Variants in SACS observed in about 807,000 individuals in gnomAD.
SACS encodes the protein sacsin.
SACS carries 197 observed loss-of-function variants against 348.0 expected under a neutral mutation model. That is an observed-to-expected ratio of 0.57 (90% CI 0.50 to 0.64). The LOEUF is 0.64. Ranked by LOEUF, SACS falls within the 30% of genes least tolerant of loss-of-function variation. SACS has a pLI of 0.00. For synonymous variants in SACS, 1,985 were observed against 1,910.6 expected (o/e 1.04, Z -1.02); for missense variants, 4,999 against 5,360.8 (o/e 0.93, Z 2.11).
In SACS at chr13:23,331,593, C is replaced by A; in HGVS notation, c.12283G>T (p.Asp4095Tyr). 6.2e-7 allele frequency: 1 copy of A among 1,613,938 alleles called. No individual in the cohort carries two copies. The highest frequency in any genetic ancestry group is 8.5e-7 in the Non-Finnish European group (1 of 1,179,920). ...LLYIQHSDSK[D>Y]INFLLALAMT... is the part of the protein sequence containing the mutation. The stretch of plus-strand genomic sequence containing the variant: ...GCCAATGCTAACAGGAAATTAATGT[C>A]TTTACTGTCTGAATGTTGAATGTAG... Residue 4095 changes from aspartate to tyrosine, a missense_variant, in exon 10 of 10, where the codon GAC becomes TAC. Coordinates refer to ENST00000382292, the MANE Select transcript of SACS (RefSeq NM_014363.6).
At chr13:23,357,859 A>G (rs775998641) in intron 7 of SACS, among the ~76,000 whole-genome samples, 8 of 152,212 alleles carry the variant, frequency 5.3e-5, no homozygotes, top group Non-Finnish European at 1.2e-4. Flanking sequence ...AGGAAGGAAA[A>G]TAAGAGATAC....
chr13:23,373,207 T>G (rs1017580246), intron 3 of SACS, among the ~76,000 whole-genome samples: 2 of 152,060 alleles, frequency 1.3e-5, no homozygotes, highest in Admixed American at 6.6e-5. Flanking sequence ...TCGGCAGGCA[T>G]AGAGAAAGGA....
At chr13:23,342,814 A>G (rs957320024) in intron 9 of SACS, among the ~76,000 whole-genome samples, 1 of 152,374 alleles carries the variant, frequency 6.6e-6, no homozygotes, top group Middle Eastern at 3.4e-3. Context: ...AATGAGACTT[A>G]CATGGTTTCC....
intron 2 of SACS, among the ~76,000 whole-genome samples, chr13:23,405,742 A>T (rs1873177277): frequency 1.3e-5 from 2 of 152,190 alleles, no homozygotes; most frequent in South Asian, 4.1e-4. Flanking sequence ...ATATGAACAG[A>T]CACTTCTCAA....
At position 23,338,327 on chromosome 13, in the gene SACS, C is replaced by G; in HGVS notation, c.5549G>C (p.Gly1850Ala). ...GTCCTGGATTTCTGACAGCTGAACT[C>G]CTACTGCCCCACATGGAACCAGTCC... ...RLGLVPCGAV[G>A]VQLSEIQDQK... The change falls in exon 10 of 10, where the codon GGA becomes GCA. Residue 1850 changes from glycine (G) to alanine (A), a missense_variant. Coordinates refer to ENST00000382292, the MANE Select transcript of SACS (RefSeq NM_014363.6). The G allele has an allele frequency of 1.9e-6, 3 of 1,614,138 alleles. No individual in the cohort carries two copies. The highest frequency in any genetic ancestry group is 2.5e-6 in the Non-Finnish European group (3 of 1,180,000).
At chr13:23,352,902 T>C (rs893575968) in intron 9 of SACS, among the ~76,000 whole-genome samples, 6 of 152,236 alleles carry the variant, frequency 3.9e-5, no homozygotes, top group Non-Finnish European at 8.8e-5. Context: ...ATTTCACTTA[T>C]ATTTTAATGA....
Position 23,355,654 on chromosome 13 carries a change from C to T in SACS, c.958G>A (p.Val320Ile). The T allele has an allele frequency of 6.2e-7, 1 of 1,614,152 alleles. No homozygotes were observed. Among genetic ancestry groups the T allele is most frequent in the Non-Finnish European group, 8.5e-7 (1 of 1,180,038 alleles). Residue 320 changes from valine to isoleucine, a missense_variant, in exon 8 of 10, where the codon GTC becomes ATC. Around this residue, in one of 6 missense-constraint regions of SACS, gnomAD observed 3,156 missense variants for 3,380.1 expected, o/e 0.93. Transcript: ENST00000382292. ...TTCTCTGTTCCGTCAGCCTCTCGGACATATAAGGAAACATCCTGCACACTT... is the reference window on the plus strand; with the variant it reads ...TTCTCTGTTCCGTCAGCCTCTCGGATATATAAGGAAACATCCTGCACACTT... Reference protein sequence around the residue: ...LKSVQDVSLYVREADGTEKLV... With the variant: ...LKSVQDVSLYIREADGTEKLV...
At chr13:23,359,957 G>A (rs959301026) in intron 6 of SACS, among the ~76,000 whole-genome samples, 1 of 152,204 alleles carries the variant, frequency 6.6e-6, no homozygotes, top group Admixed American at 6.5e-5. Flanking sequence ...GTTGGAAAGT[G>A]CAAACAGTCA....
Position 23,340,184 on chromosome 13 carries a change from A to G in SACS, c.3692T>C (p.Val1231Ala), listed in dbSNP as rs926815086. Residue 1231 changes from valine to alanine, a missense_variant, in exon 10 of 10, where the codon GTT becomes GCT. This residue lies in a region of SACS where 3,156 missense variants were observed against 3,380.1 expected (regional missense o/e 0.93). Transcript: ENST00000382292. ...GGTTTTTGAAGAATACCAATCAACA[A>G]CAATTTTAAAGTGTTTTAAGACAGC... is the stretch of plus-strand genomic sequence containing the variant. ...LSAVLKHFKI[V>A]VDWYSSKTFS... is the part of the protein sequence containing the mutation. 1 of 1,612,868 alleles carries G rather than the reference A, an allele frequency of 6.2e-7. No individual in the cohort carries two copies. The highest frequency in any genetic ancestry group is 8.5e-7 in the Non-Finnish European group (1 of 1,179,316).
chr13:23,424,264 G>T (rs1365488826), intron 1 of SACS, among the ~76,000 whole-genome samples: 1 of 152,180 alleles, frequency 6.6e-6, no homozygotes, highest in African/African-American at 2.4e-5. Context: ...GGTGGCTCAC[G>T]CCTATAATCC....
Position 23,331,229 on chromosome 13 carries a change from T to A in SACS, c.12647A>T (p.Asp4216Val), listed in dbSNP as rs550068559. 6.2e-7 allele frequency: 1 copy of A among 1,613,806 alleles called. No individual in the cohort carries two copies. The highest frequency in any genetic ancestry group is 8.5e-7 in the Non-Finnish European group (1 of 1,179,878). The stretch of plus-strand genomic sequence containing the variant: ...TATCTTTCCTAGAAAACTAGAATTG[T>A]CAGCATCTTCTCTTTCAACTTCTTG... ...IVQEVEREDA[D>V]NSSFLGKIYQ... is the part of the protein sequence containing the mutation. Residue 4216 changes from aspartate (D) to valine (V), a missense_variant, in exon 10 of 10, where the codon GAC becomes GTC. Asp to Val is a radical substitution (Grantham distance 152). Transcript: ENST00000382292.
In SACS at chr13:23,338,736, T is replaced by C. The variant is rs1215539736; in HGVS notation, c.5140A>G (p.Ile1714Val). The C allele has an allele frequency of 6.2e-7, 1 of 1,608,686 alleles. No homozygotes were observed. Among genetic ancestry groups the C allele is most frequent in the Non-Finnish European group, 8.5e-7 (1 of 1,178,272 alleles). Residue 1714 changes from isoleucine (I) to valine (V), a missense_variant, in exon 10 of 10, where the codon ATT becomes GTT. By Grantham distance (29) the Ile-to-Val change is conservative. This residue lies in a region of SACS where 3,156 missense variants were observed against 3,380.1 expected (regional missense o/e 0.93). Transcript: ENST00000382292. Reference protein sequence around the residue: ...NPSLAQDTVIIKKKSCSSKAL... With the variant: ...NPSLAQDTVIVKKKSCSSKAL... ...TTGGAAGAGCAGGATTTTTTTTTAATTATTACTGTATCTTGTGCTAAACTG... is the reference window on the plus strand; with the variant it reads ...TTGGAAGAGCAGGATTTTTTTTTAACTATTACTGTATCTTGTGCTAAACTG...
In SACS at chr13:23,331,543, G is replaced by A. The variant is rs2137559475; in HGVS notation, c.12333C>T (p.Asp4111=). ...ALAMTLKSAT[D]NLISDTSYLI... is the part of the protein sequence containing the mutation. ...AATATGAAGTGTCAGAAATCAAATT[G>A]TCAGTTGCTGATTTAAGAGTCATTG... The change falls in exon 10 of 10, where the codon GAC becomes GAT. Residue 4111 remains aspartate (D), a synonymous_variant. Coordinates refer to ENST00000382292, the MANE Select transcript of SACS (RefSeq NM_014363.6). 1 of 1,613,556 alleles carries A rather than the reference G, an allele frequency of 6.2e-7. No individual in the cohort carries two copies. Among genetic ancestry groups the A allele is most frequent in the Non-Finnish European group, 8.5e-7 (1 of 1,179,576 alleles).
intron 4 of SACS, 87 bp downstream of exon 4, chr13:23,370,991 C>A: frequency 1.1e-6 from 1 of 890,274 alleles, no homozygotes; most frequent in South Asian, 1.7e-5. Flanking sequence ...GACTCAGTTT[C>A]AAAAACCAAC....
At position 23,332,023 on chromosome 13, in the gene SACS, T is replaced by TA; in HGVS notation, c.11852dup (p.Leu3951PhefsTer10). The TA allele has an allele frequency of 6.2e-7, 1 of 1,614,114 alleles. No homozygotes were observed. Among genetic ancestry groups the TA allele is most frequent in the Non-Finnish European group, 8.5e-7 (1 of 1,179,962 alleles). On this transcript the variant is annotated frameshift_variant, in exon 10 of 10. Coordinates refer to ENST00000382292, the MANE Select transcript of SACS (RefSeq NM_014363.6). LOFTEE classifies it high-confidence loss of function. ...TAGTGTGAAATCCATGGTCTTTCCC[T>TA]AAGTAGCACTGGCTGAGATCAACTA...
chr13:23,373,593 T>G (rs561651710), intron 3 of SACS: 1 of 152,610 alleles, frequency 6.6e-6, no homozygotes, highest in Non-Finnish European at 1.5e-5. Context: ...CTGGCCAACA[T>G]GGTGAACACC....
chr13:23,375,683 T>C (rs1871754113), intron 2 of SACS: 2 of 473,584 alleles, frequency 4.2e-6, no homozygotes, highest in Non-Finnish European at 5.0e-6. Context: ...GGAACGCCCA[T>C]CCAGGCCCCG....
rs1431899233 is a variant in SACS at position 23,334,619 on chromosome 13, G to C, written c.9257C>G (p.Ala3086Gly). 6.2e-7 allele frequency: 1 copy of C among 1,613,434 alleles called. No homozygotes were observed. The highest frequency in any genetic ancestry group is 1.3e-5 in the African/African-American group (1 of 75,020). ...GGTCACATAACTAACAGGAATATCT[G>C]CATCTATAAGACAGTGGTAAAGATT... ...TANLYHCLID[A>G]DIPVSYVTPA... The change falls in exon 10 of 10, where the codon GCA becomes GGA. Residue 3086 changes from alanine to glycine, a missense_variant. Ala to Gly is a moderately conservative substitution (Grantham distance 60). Around this residue, in one of 6 missense-constraint regions of SACS, gnomAD observed 734 missense variants for 694.0 expected, o/e 1.06. Transcript: ENST00000382292.
chr13:23,393,967 A>G (rs1269430335), intron 2 of SACS, among the ~76,000 whole-genome samples: 1 of 152,068 alleles, frequency 6.6e-6, no homozygotes, highest in African/African-American at 2.4e-5. Context: ...TCACCGTGTT[A>G]TCCAGGATAG....
Sources: gnomAD v4.1 joint callset for allele counts (sites outside exome capture counted in the v4.1 genomes callset) on GRCh38, gnomAD v4.1.1 for gene constraint, gnomAD v4.1.1 regional missense constraint, MANE v1.5 for transcripts, NCBI Gene and HGNC (gene_info 2026-07-23, HGNC 2026-07-21) for gene names.